Variants in PHF2 observed in about 807,000 individuals in gnomAD.
PHF2 encodes PHD finger protein 2.
A neutral mutation model predicts 120.5 loss-of-function variants in PHF2; 27 were observed. That is an observed-to-expected ratio of 0.22 (90% CI 0.17 to 0.31). PHF2 has a LOEUF of 0.31. Among genes scored for constraint, PHF2 ranks in the 10% least tolerant of loss-of-function variants. PHF2 has a pLI of 1.00. For missense variants in PHF2, 1,024 were observed against 1,434.8 expected (o/e 0.71, Z 4.63); for synonymous variants, 568 against 592.5 (o/e 0.96, Z 0.60).
rs56134753 is a variant in PHF2 at position 93,653,200 on chromosome 9, A to T, written c.624A>T (p.Pro208=). 27,800 of 1,614,104 alleles carry T rather than the reference A, an allele frequency of 0.017. 334 individuals are homozygous for T. The highest frequency in any genetic ancestry group is 0.042 in the East Asian group (1,880 of 44,888). ...CTAGAATGTCCAGCTTCGTGGAGCC[A>T]CCTGACATTGTAAAGAAACTGTCAT... ...SDTRMSSFVE[P]PDIVKKLSWV... is the part of the protein sequence containing the mutation. Residue 208 remains proline (P), a synonymous_variant, in exon 6 of 22, where the codon CCA becomes CCT. Coordinates refer to ENST00000359246, the MANE Select transcript of PHF2 (RefSeq NM_005392.4).
At chr9:93,634,233 T>G (rs550298464) in intron 2 of PHF2, among the ~76,000 whole-genome samples, 3 of 152,106 alleles carry the variant, frequency 2.0e-5, no homozygotes, top group East Asian at 1.9e-4. Flanking sequence ...TCCCTTGATA[T>G]CCACACCTCC....
chr9:93,601,686 G>T (rs1382907502), intron 1 of PHF2, among the ~76,000 whole-genome samples: 1 of 152,120 alleles, frequency 6.6e-6, no homozygotes, highest in Non-Finnish European at 1.5e-5. Flanking sequence ...TCTTGGGAAG[G>T]TGTGTGCAGA....
chr9:93,634,679 G>C (rs1055811258), intron 2 of PHF2, among the ~76,000 whole-genome samples: 8 of 152,218 alleles, frequency 5.3e-5, no homozygotes, highest in African/African-American at 1.9e-4. Flanking sequence ...CTTCCAAGTT[G>C]CTCTGAAGCT....
At chr9:93,620,244 C>G (rs1819623864) in intron 1 of PHF2, among the ~76,000 whole-genome samples, 1 of 152,192 alleles carries the variant, frequency 6.6e-6, no homozygotes, top group African/African-American at 2.4e-5. Context: ...TCTGAAAGGT[C>G]TGAGTCTGGG....
chr9:93,660,003 G>A (rs1216156916), intron 11 of PHF2, among the ~76,000 whole-genome samples, 189 bp from the exon 12 acceptor site: 3 of 152,168 alleles, frequency 2.0e-5, no homozygotes, highest in African/African-American at 7.2e-5. Context: ...TCGCAGGTGT[G>A]AGTGTGTCAC....
chr9:93,674,711 C>A (rs948939676), intron 18 of PHF2, among the ~76,000 whole-genome samples: 1 of 152,088 alleles, frequency 6.6e-6, no homozygotes, highest in Non-Finnish European at 1.5e-5. Flanking sequence ...AGAGTCCCTG[C>A]CCCTCTGGAT....
intron 1 of PHF2, among the ~76,000 whole-genome samples, chr9:93,577,965 G>A (rs146032360): frequency 6.6e-6 from 1 of 152,308 alleles, no homozygotes; most frequent in Non-Finnish European, 1.5e-5. Flanking sequence ...CCAAACCACC[G>A]GCAGCAAGCA....
intron 17 of PHF2, 97 bp from the exon 18 acceptor site, chr9:93,673,486 GTT>G (rs1826847246): frequency 9.9e-6 from 11 of 1,115,748 alleles, no homozygotes; most frequent in Non-Finnish European, 1.4e-5. Context: ...TGGGCCAGGA[GTT>G]TGTGCAGGAG....
Position 93,660,201 on chromosome 9 carries a change from A to C in PHF2, c.1339A>C (p.Lys447Gln), listed in dbSNP as rs1826535956. 6.4e-7 allele frequency: 1 copy of C among 1,561,292 alleles called. No homozygotes were observed. Among genetic ancestry groups the C allele is most frequent in the Non-Finnish European group, 8.6e-7 (1 of 1,157,704 alleles). ...KEIRLSENASKAVRPEVNTVA... is the reference protein window; with the variant it reads ...KEIRLSENASQAVRPEVNTVA... ...CCTTTCTGTATCCCAGAATGCCTCC[A>C]AAGCCGTCCGACCGGAAGTGAATAC... The change falls in exon 12 of 22, where the codon AAA becomes CAA. Residue 447 changes from lysine (K) to glutamine (Q), a missense_variant. By Grantham distance (53) the Lys-to-Gln change is moderately conservative. Around this residue, in one of 2 missense-constraint regions of PHF2, gnomAD observed 677 missense variants for 857.4 expected, o/e 0.79. Transcript: ENST00000359246.
intron 3 of PHF2, among the ~76,000 whole-genome samples, chr9:93,639,795 A>C (rs1282832247): frequency 6.6e-6 from 1 of 152,176 alleles, no homozygotes; most frequent in Non-Finnish European, 1.5e-5. Context: ...GAGAAGTGGA[A>C]GTCCTGCTCT....
intron 1 of PHF2, among the ~76,000 whole-genome samples, chr9:93,600,951 A>C (rs1173501402): frequency 6.6e-6 from 1 of 152,218 alleles, no homozygotes; most frequent in African/African-American, 2.4e-5. Flanking sequence ...ATTAACTTTA[A>C]GTTTGTATTT....
intron 17 of PHF2, among the ~76,000 whole-genome samples, chr9:93,671,556 G>A (rs10992849): frequency 1.6e-5 from 2 of 123,220 alleles, no homozygotes; most frequent in Non-Finnish European, 1.7e-5. Context: ...GTGGGTGTGG[G>A]AGTAGGGTCA....
chr9:93,627,394 T>C (rs990043730), intron 1 of PHF2, among the ~76,000 whole-genome samples: 1 of 152,168 alleles, frequency 6.6e-6, no homozygotes, highest in African/African-American at 2.4e-5. Flanking sequence ...TTTCTGTGTA[T>C]GGATTCCTTT....
chr9:93,623,107 A>T (rs1297198718), intron 1 of PHF2, among the ~76,000 whole-genome samples: 1 of 152,050 alleles, frequency 6.6e-6, no homozygotes, highest in Non-Finnish European at 1.5e-5. Flanking sequence ...CATGGGTGTG[A>T]CTGTGTATGT....
At chr9:93,622,070 G>T (rs1297086535) in intron 1 of PHF2, among the ~76,000 whole-genome samples, 1 of 152,234 alleles carries the variant, frequency 6.6e-6, no homozygotes, top group Non-Finnish European at 1.5e-5. Flanking sequence ...GCCATGGCTT[G>T]TCCTTCCTGT....
intron 14 of PHF2, among the ~76,000 whole-genome samples, chr9:93,664,820 C>T (rs1826645853): frequency 6.6e-6 from 1 of 152,252 alleles, no homozygotes; most frequent in Non-Finnish European, 1.5e-5. Context: ...CGGTGTGACT[C>T]TAGCCTGTGG....
chr9:93,675,615 C>T, intron 19 of PHF2, 65 bp from the exon 20 acceptor site: 1 of 1,339,112 alleles, frequency 7.5e-7, no homozygotes, highest in Non-Finnish European at 1.1e-6. Context: ...AGGGTAGCCC[C>T]AAACCAGGAG....
At chr9:93,588,701 C>T (rs1863109944) in intron 1 of PHF2, among the ~76,000 whole-genome samples, 1 of 152,138 alleles carries the variant, frequency 6.6e-6, no homozygotes, top group Non-Finnish European at 1.5e-5. Flanking sequence ...ACCAGCCTAG[C>T]CAACCTGGTG....
chr9:93,636,370 C>G (rs1424605707), intron 2 of PHF2, 41 bp from the exon 3 acceptor site: 1 of 1,494,196 alleles, frequency 6.7e-7, no homozygotes, highest in Non-Finnish European at 9.2e-7. Flanking sequence ...CCTGCTGGGG[C>G]TGCGCTGTGT....
Sources: gnomAD v4.1 joint callset for allele counts (sites outside exome capture counted in the v4.1 genomes callset) on GRCh38, gnomAD v4.1.1 for gene constraint, gnomAD v4.1.1 regional missense constraint, MANE v1.5 for transcripts, NCBI Gene and HGNC (gene_info 2026-07-23, HGNC 2026-07-21) for gene names.